SUGCT: variants seen among roughly 807,000 people sequenced by gnomAD.
SUGCT encodes the protein succinyl-CoA:glutarate CoA-transferase.
A neutral mutation model predicts 55.0 loss-of-function variants in SUGCT; 41 were observed. The ratio of observed to expected loss-of-function variants is 0.74; its 90% CI spans 0.58 to 0.97. The LOEUF is 0.97. Among genes scored for constraint, SUGCT ranks in the 50% least tolerant of loss-of-function variants. The probability of loss-of-function intolerance (pLI) is 0.00; values close to 1 mark genes in which losing one functional copy is unlikely to be tolerated. For missense variants in SUGCT, 568 were observed against 547.8 expected (o/e 1.04, Z -0.37); for synonymous variants, 187 against 200.4 (o/e 0.93, Z 0.56).
At chr7:40,828,577 A>T (rs1584499668) in intron 13 of SUGCT, among the ~76,000 whole-genome samples, 1 of 87,438 alleles carries the variant, frequency 1.1e-5, no homozygotes, top group African/African-American at 3.9e-5. Flanking sequence ...TTGCTACAGT[A>T]AAAAAAAAAA....
intron 9 of SUGCT, among the ~76,000 whole-genome samples, chr7:40,391,849 G>A (rs539570530): frequency 5.9e-5 from 9 of 152,228 alleles, no homozygotes; most frequent in South Asian, 4.2e-4. Flanking sequence ...GTTTGTTGCG[G>A]CACTATTCAC....
At chr7:40,276,732 C>T (rs931432943) in intron 8 of SUGCT, among the ~76,000 whole-genome samples, 1 of 152,004 alleles carries the variant, frequency 6.6e-6, no homozygotes, top group East Asian at 1.9e-4. Context: ...AAAGTGAGGG[C>T]ACAGTGACGG....
At chr7:40,988,804 A>C in the SUGCT span, among the ~76,000 whole-genome samples, 1 of 152,182 alleles carries the variant, frequency 6.6e-6, no homozygotes, top group Non-Finnish European at 1.5e-5. Flanking sequence ...GAAAATGCTG[A>C]AATTCCTGTT....
the SUGCT span, among the ~76,000 whole-genome samples, chr7:40,998,865 T>G: frequency 6.6e-6 from 1 of 152,204 alleles, no homozygotes; most frequent in Non-Finnish European, 1.5e-5. Flanking sequence ...TGAGAATAGC[T>G]TCCAGTGATT....
intron 11 of SUGCT, among the ~76,000 whole-genome samples, chr7:40,459,503 A>G (rs1333485130): frequency 6.6e-6 from 1 of 152,216 alleles, no homozygotes; most frequent in Non-Finnish European, 1.5e-5. Context: ...TTAGTTTATC[A>G]TAAATACAAC....
chr7:40,736,247 A>C (rs1451082237), intron 12 of SUGCT, among the ~76,000 whole-genome samples: 2 of 68,698 alleles, frequency 2.9e-5, no homozygotes, highest in Non-Finnish European at 4.9e-5. Context: ...ATAATATATA[A>C]TATATTATAA....
At chr7:40,176,743 T>TG (rs1388162961) in intron 1 of SUGCT, among the ~76,000 whole-genome samples, 1 of 151,754 alleles carries the variant, frequency 6.6e-6, no homozygotes, top group East Asian at 1.9e-4. Context: ...GAGGTCGAGG[T>TG]GGGTGGATCA....
chr7:40,883,365 A>G, the SUGCT span, among the ~76,000 whole-genome samples: 1 of 152,172 alleles, frequency 6.6e-6, no homozygotes, highest in Non-Finnish European at 1.5e-5. Flanking sequence ...ATGGAGAACA[A>G]CAATTAAATT....
At chr7:40,534,569 C>G (rs986977292) in intron 12 of SUGCT, among the ~76,000 whole-genome samples, 1 of 152,062 alleles carries the variant, frequency 6.6e-6, no homozygotes. Flanking sequence ...CAGGCATGTG[C>G]CGCCGTGCCC....
chr7:40,449,216 T>A, intron 9 of SUGCT, 71 bp from the exon 10 acceptor site: 1 of 974,098 alleles, frequency 1.0e-6, no homozygotes, highest in Non-Finnish European at 1.6e-6. Context: ...TATATAGATA[T>A]TTTAGAAATT....
intron 13 of SUGCT, among the ~76,000 whole-genome samples, chr7:40,770,203 A>G (rs1194316660): frequency 6.6e-6 from 1 of 152,074 alleles, no homozygotes; most frequent in Non-Finnish European, 1.5e-5. Flanking sequence ...TGGCTTTTAT[A>G]TTATGTTTTG....
At chr7:40,951,192 G>T in the SUGCT span, among the ~76,000 whole-genome samples, 1 of 152,112 alleles carries the variant, frequency 6.6e-6, no homozygotes, top group African/African-American at 2.4e-5. Context: ...TCTTGGGAGG[G>T]TGTATGTGTC....
the SUGCT span, among the ~76,000 whole-genome samples, chr7:40,935,022 C>G: frequency 6.6e-6 from 1 of 152,166 alleles, no homozygotes; most frequent in South Asian, 2.1e-4. Context: ...CTGGGAGCTG[C>G]AGAACAGAGC....
chr7:40,400,243 G>GTCTATTTTCCAT (rs1457783327), intron 9 of SUGCT, among the ~76,000 whole-genome samples: 1 of 151,718 alleles, frequency 6.6e-6, no homozygotes, highest in East Asian at 1.9e-4. Context: ...GAATTTATTA[G>GTCTATTTTCCAT]TCTATTTTCC....
chr7:40,954,099 C>T, the SUGCT span, among the ~76,000 whole-genome samples: 2 of 145,884 alleles, frequency 1.4e-5, no homozygotes, highest in Non-Finnish European at 3.1e-5. Flanking sequence ...GTGGGCTCCA[C>T]CCAGTTCGAG....
the SUGCT span, among the ~76,000 whole-genome samples, chr7:40,876,574 C>T: frequency 6.6e-6 from 1 of 152,194 alleles, no homozygotes; most frequent in Non-Finnish European, 1.5e-5. Context: ...GGTGCAAATG[C>T]CACCCATGGC....
intron 7 of SUGCT, among the ~76,000 whole-genome samples, chr7:40,262,571 A>G (rs1340268676): frequency 6.6e-6 from 1 of 151,554 alleles, no homozygotes; most frequent in African/African-American, 2.4e-5. Flanking sequence ...AGGCTGAGGC[A>G]GAAGAATGGT....
intron 7 of SUGCT, among the ~76,000 whole-genome samples, chr7:40,258,957 A>G (rs1791031092): frequency 6.6e-6 from 1 of 152,232 alleles, no homozygotes; most frequent in Non-Finnish European, 1.5e-5. Flanking sequence ...TGGTATATAT[A>G]CGTAATGGAA....
At chr7:40,772,550 CT>C (rs1241847407) in intron 13 of SUGCT, among the ~76,000 whole-genome samples, 19 of 145,862 alleles carry the variant, frequency 1.3e-4, no homozygotes, top group African/African-American at 4.5e-4. Flanking sequence ...ATCTATCTAT[CT>C]ATCTATCTAT....
Sources: gnomAD v4.1 joint callset for allele counts (sites outside exome capture counted in the v4.1 genomes callset) on GRCh38, gnomAD v4.1.1 for gene constraint, MANE v1.5 for transcripts, NCBI Gene and HGNC (gene_info 2026-07-23, HGNC 2026-07-21) for gene names.